Variants in BRINP3 observed in about 807,000 individuals in gnomAD.
BRINP3 encodes the protein BMP/retinoic acid inducible neural specific 3.
BRINP3 carries 19 observed loss-of-function variants against 71.0 expected under a neutral mutation model. The observed-to-expected ratio is 0.27, with a 90% CI of 0.19 to 0.39. The LOEUF (loss-of-function observed/expected upper bound fraction) is 0.39. Among genes scored for constraint, BRINP3 ranks in the 10% least tolerant of loss-of-function variants. The pLI, the probability that BRINP3 is intolerant of heterozygous loss-of-function variation, is 1.00. For synonymous variants in BRINP3, 380 were observed against 337.7 expected (o/e 1.13, Z -1.37); for missense variants, 959 against 940.8 (o/e 1.02, Z -0.25).
At chr1:190,231,855 G>C (rs1366938031) in intron 5 of BRINP3, among the ~76,000 whole-genome samples, 2 of 151,758 alleles carry the variant, frequency 1.3e-5, no homozygotes, top group Non-Finnish European at 1.5e-5. Flanking sequence ...TTCTGAATTA[G>C]TTGTCTAATC....
intron 6 of BRINP3, among the ~76,000 whole-genome samples, chr1:190,198,557 T>G (rs1654705383): frequency 6.6e-6 from 1 of 152,084 alleles, no homozygotes; most frequent in African/African-American, 2.4e-5. Flanking sequence ...ACACACCAGA[T>G]GTGTTTCTTG....
intron 2 of BRINP3, among the ~76,000 whole-genome samples, chr1:190,380,463 G>A (rs1670477105): frequency 6.6e-6 from 1 of 152,114 alleles, no homozygotes; most frequent in Non-Finnish European, 1.5e-5. Context: ...ACGTCTGAAG[G>A]GAGATCTGTA....
At chr1:190,463,485 C>CA (rs1253735209) in intron 1 of BRINP3, among the ~76,000 whole-genome samples, 4 of 149,464 alleles carry the variant, frequency 2.7e-5, no homozygotes, top group East Asian at 2.0e-4. Context: ...ATCCTGGGTA[C>CA]AAAAAAAAAG....
intron 7 of BRINP3, among the ~76,000 whole-genome samples, chr1:190,122,471 C>A (rs1480103294): frequency 1.3e-5 from 2 of 150,990 alleles, no homozygotes; most frequent in East Asian, 3.9e-4. Context: ...GGAAGAAAGC[C>A]ATTTGACATC....
intron 2 of BRINP3, among the ~76,000 whole-genome samples, chr1:190,306,205 C>A (rs1161080260): frequency 1.3e-5 from 2 of 151,292 alleles, no homozygotes; most frequent in Admixed American, 1.3e-4. Flanking sequence ...CAATATGAAA[C>A]ATTTCATAAA....
intron 2 of BRINP3, among the ~76,000 whole-genome samples, chr1:190,437,034 T>C (rs891871587): frequency 6.6e-6 from 1 of 151,806 alleles, no homozygotes; most frequent in Non-Finnish European, 1.5e-5. Context: ...TTCACCTGAG[T>C]ATTGCTCAAA....
intron 6 of BRINP3, among the ~76,000 whole-genome samples, chr1:190,165,026 T>G (rs1651365308): frequency 6.6e-6 from 1 of 152,078 alleles, no homozygotes; most frequent in Admixed American, 6.6e-5. Flanking sequence ...ATATGGATAA[T>G]AAATTTATTA....
At chr1:190,289,740 C>G (rs1249957618) in intron 2 of BRINP3, among the ~76,000 whole-genome samples, 1 of 151,858 alleles carries the variant, frequency 6.6e-6, no homozygotes, top group Non-Finnish European at 1.5e-5. Context: ...TAAATATTAC[C>G]TGCTTCATAT....
At chr1:190,213,738 A>G (rs1656179384) in intron 6 of BRINP3, among the ~76,000 whole-genome samples, 1 of 151,984 alleles carries the variant, frequency 6.6e-6, no homozygotes, top group African/African-American at 2.4e-5. Context: ...GTAAAACTCT[A>G]ATAAAATTGC....
intron 2 of BRINP3, among the ~76,000 whole-genome samples, chr1:190,333,187 A>C (rs1296908876): frequency 1.3e-5 from 2 of 151,968 alleles, no homozygotes; most frequent in East Asian, 3.9e-4. Context: ...CCACTGCATA[A>C]AAATTTATAG....
chr1:190,208,419 T>C (rs1655702383), intron 6 of BRINP3, among the ~76,000 whole-genome samples: 2 of 152,130 alleles, frequency 1.3e-5, no homozygotes, highest in South Asian at 4.1e-4. Context: ...TTTCCTTATG[T>C]AATAATAGCA....
At chr1:190,107,090 T>C (rs1290227507) in intron 7 of BRINP3, among the ~76,000 whole-genome samples, 2 of 152,090 alleles carry the variant, frequency 1.3e-5, no homozygotes, top group African/African-American at 4.8e-5. Flanking sequence ...AAATCTTGAA[T>C]GTAGTTTTTG....
At position 190,317,170 on chromosome 1, in the gene BRINP3, TCA is replaced by T. The variant is rs1491270380; in HGVS notation, c.237-35422_237-35421del. ...GTGGGTGGCTGAGCGAGAGTCCATC[TCA>T]AAAAAAAAAAAAAAAAAAAAGTCTC... On this transcript the variant is annotated intron_variant, in intron 2 of 7. Transcript: ENST00000367462. Among the ~76,000 whole-genome samples, 523 of 96,276 alleles carry T rather than the reference TCA, an allele frequency of 5.4e-3. 8 individuals are homozygous for T. Among genetic ancestry groups the T allele is most frequent in the Middle Eastern group, 0.012 (2 of 170 alleles). 63.2% of individuals were successfully genotyped at this position (96,276 alleles called of 152,430 possible).
chr1:190,227,911 T>C (rs1326714444), intron 5 of BRINP3, among the ~76,000 whole-genome samples: 2 of 151,954 alleles, frequency 1.3e-5, no homozygotes, highest in Non-Finnish European at 2.9e-5. Flanking sequence ...AAATTAATTT[T>C]ACCATGTGGG....
intron 7 of BRINP3, among the ~76,000 whole-genome samples, chr1:190,133,406 T>A (rs1654705605): frequency 6.6e-6 from 1 of 152,064 alleles, no homozygotes; most frequent in African/African-American, 2.4e-5. Flanking sequence ...TCTGAGCATG[T>A]ATTACAGAAG....
At chr1:190,420,371 A>G (rs1572005127) in intron 2 of BRINP3, among the ~76,000 whole-genome samples, 1 of 152,004 alleles carries the variant, frequency 6.6e-6, no homozygotes, top group East Asian at 1.9e-4. Context: ...GATTATTCAC[A>G]GGGGAGAAGA....
At chr1:190,343,696 C>T (rs1030343563) in intron 2 of BRINP3, among the ~76,000 whole-genome samples, 3 of 151,332 alleles carry the variant, frequency 2.0e-5, no homozygotes, top group Non-Finnish European at 4.4e-5. Context: ...GTAACATAGA[C>T]CAGGGAGAGT....
At chr1:190,477,270 A>G (rs1036898122) in intron 1 of BRINP3, among the ~76,000 whole-genome samples, 178 bp downstream of exon 1, 12 of 152,208 alleles carry the variant, frequency 7.9e-5, no homozygotes, top group Non-Finnish European at 7.3e-5. Flanking sequence ...AATACATTAC[A>G]TGGGTTATGT....
At chr1:190,164,535 A>G (rs1295799229) in intron 6 of BRINP3, among the ~76,000 whole-genome samples, 2 of 152,136 alleles carry the variant, frequency 1.3e-5, no homozygotes, top group Non-Finnish European at 2.9e-5. Context: ...TATAAGCACA[A>G]TACTACAGAA....
Sources: allele counts gnomAD v4.1 joint callset (sites outside exome capture counted in the v4.1 genomes callset), GRCh38; gene constraint gnomAD v4.1.1; transcripts MANE v1.5; gene names NCBI Gene and HGNC (gene_info 2026-07-23, HGNC 2026-07-21).